SGCZ: variants seen among roughly 807,000 people sequenced by gnomAD.
SGCZ encodes the protein sarcoglycan zeta, also known as zeta-sarcoglycan.
SGCZ carries 40 observed loss-of-function variants against 41.3 expected under a neutral mutation model. That is an observed-to-expected ratio of 0.97 (90% confidence interval 0.75 to 1.26). The LOEUF is 1.26. Ranked by LOEUF, SGCZ falls within the 50% of genes most tolerant of loss-of-function variation. The probability of loss-of-function intolerance (pLI) is 0.00; values close to 1 mark genes in which losing one functional copy is unlikely to be tolerated. For synonymous variants in SGCZ, 206 were observed against 137.5 expected (o/e 1.50, Z -3.49); for missense variants, 552 against 369.8 (o/e 1.49, Z -4.04).
At chr8:14,395,851 G>A (rs749212600) in intron 2 of SGCZ, among the ~76,000 whole-genome samples, 6 of 151,962 alleles carry the variant, frequency 3.9e-5, no homozygotes, top group Non-Finnish European at 5.9e-5. Flanking sequence ...TCCAATACAT[G>A]TGGAATCACT....
chr8:14,235,700 T>C (rs1806732030), intron 4 of SGCZ, among the ~76,000 whole-genome samples: 1 of 152,210 alleles, frequency 6.6e-6, no homozygotes, highest in South Asian at 2.1e-4. Flanking sequence ...TTTACGTTTT[T>C]TTGAGACAGA....
At chr8:14,402,749 T>C (rs1332213906) in intron 2 of SGCZ, among the ~76,000 whole-genome samples, 1 of 147,136 alleles carries the variant, frequency 6.8e-6, no homozygotes, top group Admixed American at 6.6e-5. Flanking sequence ...TTCTTTTGGC[T>C]TAGGATTGAC....
At chr8:14,384,173 T>C (rs1804480327) in intron 2 of SGCZ, among the ~76,000 whole-genome samples, 1 of 152,014 alleles carries the variant, frequency 6.6e-6, no homozygotes, top group African/African-American at 2.4e-5. Flanking sequence ...TGTCCATGTG[T>C]TCTCATTGTT....
At chr8:14,619,669 C>T (rs1483390356) in intron 1 of SGCZ, among the ~76,000 whole-genome samples, 1 of 152,134 alleles carries the variant, frequency 6.6e-6, no homozygotes, top group East Asian at 1.9e-4. Flanking sequence ...AGAACCAAAT[C>T]ATGAGTGAAC....
intron 1 of SGCZ, among the ~76,000 whole-genome samples, chr8:15,072,961 C>A (rs1458624105): frequency 6.6e-6 from 1 of 152,082 alleles, no homozygotes; most frequent in Admixed American, 6.5e-5. Context: ...TTGTCTCATG[C>A]TGCTGGGAGT....
chr8:14,109,537 A>G (rs1263758881), intron 5 of SGCZ, among the ~76,000 whole-genome samples: 2 of 152,196 alleles, frequency 1.3e-5, no homozygotes, highest in African/African-American at 2.4e-5. Flanking sequence ...AACACTAGAT[A>G]AACTATACAA....
chr8:14,993,401 T>C (rs953522686), intron 1 of SGCZ, among the ~76,000 whole-genome samples: 1 of 152,048 alleles, frequency 6.6e-6, no homozygotes, highest in Non-Finnish European at 1.5e-5. Context: ...GAGATGAAAA[T>C]CTCTGGCCCA....
At chr8:14,873,330 G>T (rs114127404) in intron 1 of SGCZ, among the ~76,000 whole-genome samples, 3,584 of 152,206 alleles carry the variant, frequency 0.024, 51 homozygotes, top group Middle Eastern at 0.048. Context: ...TGCCTTAACA[G>T]AGTAATATCA....
At chr8:14,455,880 T>A (rs13264141) in intron 2 of SGCZ, among the ~76,000 whole-genome samples, 32,976 of 152,050 alleles carry the variant, frequency 0.22, 4,251 homozygotes, top group Non-Finnish European at 0.29. Flanking sequence ...CTACCTCTCA[T>A]GTGAAAAAGG....
At chr8:15,113,150 A>G (rs1214549661) in intron 1 of SGCZ, among the ~76,000 whole-genome samples, 1 of 151,292 alleles carries the variant, frequency 6.6e-6, no homozygotes, top group East Asian at 2.0e-4. Context: ...TCGAGGATGC[A>G]GTGAGCCATA....
intron 1 of SGCZ, among the ~76,000 whole-genome samples, chr8:14,906,912 C>T (rs538606066): frequency 1.3e-5 from 2 of 152,212 alleles, no homozygotes; most frequent in African/African-American, 4.8e-5. Flanking sequence ...GTTATGGAGT[C>T]AAAGTATTTT....
At chr8:14,983,204 G>A (rs944359139) in intron 1 of SGCZ, among the ~76,000 whole-genome samples, 1 of 102,446 alleles carries the variant, frequency 9.8e-6, no homozygotes, top group East Asian at 2.7e-4. Flanking sequence ...TTTTTTTTTT[G>A]AGACAGGTTC....
At chr8:14,800,967 A>G (rs1801303000) in intron 1 of SGCZ, among the ~76,000 whole-genome samples, 1 of 152,230 alleles carries the variant, frequency 6.6e-6, no homozygotes, top group South Asian at 2.1e-4. Context: ...TTTAAACACC[A>G]AAGGATATCA....
At chr8:14,476,124 G>C (rs1054000904) in intron 2 of SGCZ, among the ~76,000 whole-genome samples, 13 of 152,142 alleles carry the variant, frequency 8.5e-5, no homozygotes, top group African/African-American at 3.1e-4. Context: ...CAACTTGCCT[G>C]GGTTAAGGAA....
chr8:14,767,393 G>A (rs976675939), intron 1 of SGCZ, among the ~76,000 whole-genome samples: 27 of 152,160 alleles, frequency 1.8e-4, no homozygotes, highest in Non-Finnish European at 2.9e-5. Flanking sequence ...AGTGTTTTTA[G>A]TAGACCCAGG....
chr8:14,228,593 T>C (rs908737998), intron 4 of SGCZ, among the ~76,000 whole-genome samples: 1 of 152,060 alleles, frequency 6.6e-6, no homozygotes, highest in Admixed American at 6.6e-5. Context: ...AATTAGTCTG[T>C]GCATTATATT....
chr8:14,455,455 TACACACACACACACACAC>T (rs5889534), intron 2 of SGCZ, among the ~76,000 whole-genome samples: 3,944 of 144,440 alleles, frequency 0.027, 198 homozygotes, highest in African/African-American at 0.095. Context: ...TTTGCATGCA[TACACACACACACACACAC>T]ACACACACAC....
intron 1 of SGCZ, among the ~76,000 whole-genome samples, chr8:14,562,767 T>C (rs1031828975): frequency 2.6e-5 from 4 of 152,100 alleles, no homozygotes; most frequent in African/African-American, 9.7e-5. Flanking sequence ...TATTGCAGTA[T>C]TAAACCCACG....
chr8:14,194,892 A>G (rs540668187), intron 4 of SGCZ, among the ~76,000 whole-genome samples: 43 of 152,180 alleles, frequency 2.8e-4, no homozygotes, highest in African/African-American at 8.4e-4. Flanking sequence ...ATAATGAGGA[A>G]TGATTAGCTT....
Sources: gnomAD v4.1 joint callset for allele counts (sites outside exome capture counted in the v4.1 genomes callset) on GRCh38, gnomAD v4.1.1 for gene constraint, MANE v1.5 for transcripts, NCBI Gene and HGNC (gene_info 2026-07-23, HGNC 2026-07-21) for gene names.